ANKRD17: variants seen among roughly 807,000 people sequenced by gnomAD.
ANKRD17 encodes ankyrin repeat domain 17.
Under a neutral mutation model 229.7 loss-of-function variants are expected in ANKRD17, and 19 were observed. The observed-to-expected ratio is 0.08, with a 90% CI of 0.06 to 0.12. The LOEUF (loss-of-function observed/expected upper bound fraction) is 0.12. Among genes scored for constraint, ANKRD17 ranks in the 10% least tolerant of loss-of-function variants. ANKRD17 has a pLI of 1.00. For synonymous variants in ANKRD17, 1,112 were observed against 1,146.1 expected (o/e 0.97, Z 0.60); for missense variants, 2,176 against 3,176.8 (o/e 0.68, Z 7.57).
rs1165407169 is a variant in ANKRD17 at position 73,203,774 on chromosome 4, A to C, written c.394-26241T>G. ...ACTCCGTCTCAAAAAAAAAAAAAAA[A>C]AAAAAGAAAAAGAAATAATGTCTGA... On this transcript the variant is annotated intron_variant, in intron 1 of 33. Transcript: ENST00000358602. Among the ~76,000 whole-genome samples, 171 of 150,990 alleles carry C rather than the reference A, an allele frequency of 1.1e-3. 2 individuals are homozygous for C. The highest frequency in any genetic ancestry group is 3.8e-3 in the African/African-American group (158 of 41,280).
intron 1 of ANKRD17, among the ~76,000 whole-genome samples, chr4:73,245,719 CT>C (rs1744437771): frequency 6.6e-6 from 1 of 152,144 alleles, no homozygotes; most frequent in Non-Finnish European, 1.5e-5. Flanking sequence ...TCATCCAAGA[CT>C]ATTATTTCAG....
chr4:73,144,749 A>G lies in ANKRD17; in HGVS notation c.1953T>C (p.Ser651=). Residue 651 remains serine (S), a synonymous_variant, in exon 11 of 34, where the codon AGT becomes AGC. Coordinates refer to ENST00000358602, the MANE Select transcript of ANKRD17 (RefSeq NM_032217.5). The part of the protein sequence containing the change: ...GHVCTVQFLI[S]KGANVNRTTA... The stretch of plus-strand genomic sequence containing the variant: ...AACTGTTTTATACAAACCTACCTTT[A>G]CTAATTAAGAACTGAACAGTACAAA... 1 of 1,558,204 alleles carries G rather than the reference A, an allele frequency of 6.4e-7. No homozygotes were observed. Among genetic ancestry groups the G allele is most frequent in the Non-Finnish European group, 8.7e-7 (1 of 1,155,758 alleles).
chr4:73,151,158 A>AAGCCACCATGCCTGGCCATATTTTCCT (rs1730956859), intron 7 of ANKRD17, among the ~76,000 whole-genome samples: 1 of 152,148 alleles, frequency 6.6e-6, no homozygotes, highest in Non-Finnish European at 1.5e-5. Context: ...TTACAGTCAT[A>AAGCCACCATGCCTGGCCATATTTTCCT]AGCCACCATG....
intron 30 of ANKRD17, among the ~76,000 whole-genome samples, chr4:73,082,724 A>C (rs1338109480): frequency 6.6e-6 from 1 of 152,214 alleles, no homozygotes; most frequent in Non-Finnish European, 1.5e-5. Flanking sequence ...CATAAAATGA[A>C]TCTTTCTTTG....
intron 1 of ANKRD17, among the ~76,000 whole-genome samples, chr4:73,243,417 A>G (rs1744219573): frequency 1.3e-5 from 2 of 152,282 alleles, no homozygotes; most frequent in South Asian, 2.1e-4. Context: ...AGAAGGAGAG[A>G]AGGAGAAAAA....
chr4:73,096,625 T>C (rs1192205036), intron 27 of ANKRD17, among the ~76,000 whole-genome samples: 1 of 152,228 alleles, frequency 6.6e-6, no homozygotes, highest in Non-Finnish European at 1.5e-5. Flanking sequence ...GGATTTCAGG[T>C]GTCTTACCTC....
intron 16 of ANKRD17, among the ~76,000 whole-genome samples, chr4:73,128,354 G>T (rs917702632): frequency 6.6e-6 from 1 of 152,186 alleles, no homozygotes; most frequent in Non-Finnish European, 1.5e-5. Flanking sequence ...TCCACTCTAC[G>T]TTGGTGCATA....
At chr4:73,104,186 CCA>C (rs1198432512) in intron 24 of ANKRD17, 1 of 152,170 alleles carries the variant, frequency 6.6e-6, no homozygotes, top group Non-Finnish European at 1.5e-5. Context: ...CCAGAAAGCT[CCA>C]GTCTGAAGAT....
At chr4:73,218,309 A>C (rs545684781) in intron 1 of ANKRD17, among the ~76,000 whole-genome samples, 1 of 152,340 alleles carries the variant, frequency 6.6e-6, no homozygotes, top group South Asian at 2.1e-4. Flanking sequence ...ACTAGTATTA[A>C]AATATGTATC....
chr4:73,154,379 G>A (rs1003380731), intron 5 of ANKRD17, among the ~76,000 whole-genome samples: 1 of 151,952 alleles, frequency 6.6e-6, no homozygotes, highest in Non-Finnish European at 1.5e-5. Flanking sequence ...TCCAGACTGG[G>A]GAGTTGTAAA....
At chr4:73,084,085 T>C (rs1721853785) in intron 30 of ANKRD17, among the ~76,000 whole-genome samples, 1 of 152,188 alleles carries the variant, frequency 6.6e-6, no homozygotes, top group African/African-American at 2.4e-5. Context: ...CTGACTGATC[T>C]TCATTAGTTT....
At chr4:73,155,584 C>G (rs759817330) in intron 5 of ANKRD17, 47 bp downstream of exon 5, 1 of 1,596,948 alleles carries the variant, frequency 6.3e-7, no homozygotes, top group African/African-American at 1.3e-5. Context: ...TCATTATTAC[C>G]AAATGATGTT....
chr4:73,086,933 TATATATATATATATATATATCTGTA>T (rs1722240952), intron 29 of ANKRD17, among the ~76,000 whole-genome samples: 2 of 66,496 alleles, frequency 3.0e-5, no homozygotes, highest in East Asian at 1.0e-3. Flanking sequence ...TATATATATA[TATATATATATATATATATATCTGTA>T]GGATTTTAAA....
intron 1 of ANKRD17, among the ~76,000 whole-genome samples, chr4:73,208,650 C>A (rs1001033879): frequency 6.6e-6 from 1 of 152,024 alleles, no homozygotes; most frequent in Non-Finnish European, 1.5e-5. Flanking sequence ...CCAAGGAAAC[C>A]CCAGTTAAGA....
In ANKRD17 at chr4:73,144,773, A is replaced by G; in HGVS notation, c.1929T>C (p.Val643=). The part of the protein sequence containing the change: ...PLMKAARAGH[V]CTVQFLISKG... The stretch of plus-strand genomic sequence containing the variant: ...TACTAATTAAGAACTGAACAGTACA[A>G]ACATGACCAGCTCTTGCAGCTTTCA... The change falls in exon 11 of 34, where the codon GTT becomes GTC. Residue 643 remains valine (V), a synonymous_variant. Coordinates refer to ENST00000358602, the MANE Select transcript of ANKRD17 (RefSeq NM_032217.5). The G allele has an allele frequency of 6.2e-7, 1 of 1,606,852 alleles. No homozygotes were observed. The highest frequency in any genetic ancestry group is 8.5e-7 in the Non-Finnish European group (1 of 1,177,466).
chr4:73,093,839 T>G (rs1723030513), intron 28 of ANKRD17, among the ~76,000 whole-genome samples: 1 of 152,246 alleles, frequency 6.6e-6, no homozygotes, highest in Admixed American at 6.5e-5. Context: ...AAATTATTTA[T>G]TTAAACCTTT....
rs1161173384 is a variant in ANKRD17 at position 73,121,733 on chromosome 4, C to A, written c.3519G>T (p.Gly1173=). ...QEVVELLLAR[G]ANKEHRNVSD... ...AAACATTCCTGTGCTCTTTATTTGC[C>A]CCTCGAGCTAACAATAGCTCCACCA... The change falls in exon 19 of 34, where the codon GGG becomes GGT. Residue 1173 remains glycine, a synonymous_variant. Coordinates refer to ENST00000358602, the MANE Select transcript of ANKRD17 (RefSeq NM_032217.5). 1 of 1,607,680 alleles carries A rather than the reference C, an allele frequency of 6.2e-7. No homozygotes were observed. Among genetic ancestry groups the A allele is most frequent in the African/African-American group, 1.3e-5 (1 of 74,686 alleles).
intron 24 of ANKRD17, chr4:73,113,269 T>C: frequency 7.8e-7 from 1 of 1,289,328 alleles, no homozygotes; most frequent in South Asian, 1.2e-5. Context: ...TTTGGTGTAT[T>C]TTACTCCCCA....
intron 1 of ANKRD17, among the ~76,000 whole-genome samples, chr4:73,199,074 G>T (rs1738282662): frequency 6.6e-6 from 1 of 152,036 alleles, no homozygotes; most frequent in South Asian, 2.1e-4. Context: ...TTCTAGTCAT[G>T]GGCTCAAATT....
Sources: allele counts gnomAD v4.1 joint callset (sites outside exome capture counted in the v4.1 genomes callset), GRCh38; gene constraint gnomAD v4.1.1; transcripts MANE v1.5; gene names NCBI Gene and HGNC (gene_info 2026-07-23, HGNC 2026-07-21).